CASQ2: variants seen among roughly 807,000 people sequenced by gnomAD.
The protein encoded by CASQ2 is calsequestrin-2.
A neutral mutation model predicts 46.5 loss-of-function variants in CASQ2; 49 were observed. The observed-to-expected ratio is 1.05, with a 90% CI of 0.84 to 1.34. The LOEUF (loss-of-function observed/expected upper bound fraction) is 1.34. Ranked by LOEUF, CASQ2 falls within the 40% of genes most tolerant of loss-of-function variation. The pLI is 0.00. For missense variants in CASQ2, 486 were observed against 481.3 expected (o/e 1.01, Z -0.09); for synonymous variants, 174 against 168.5 (o/e 1.03, Z -0.25).
intron 5 of CASQ2, chr1:115,732,248 G>A (rs1354715188): frequency 6.6e-6 from 1 of 152,428 alleles, no homozygotes; most frequent in South Asian, 2.1e-4. Context: ...TAGCTTTTTT[G>A]ATTATTCTTG....
At position 115,729,035 on chromosome 1, in the gene CASQ2, C is replaced by CTTTTTTTT. The variant is rs753965730; in HGVS notation, c.607-1921_607-1914dup. Among the ~76,000 whole-genome samples, 47 of 68,862 alleles carry CTTTTTTTT rather than the reference C, an allele frequency of 6.8e-4. 1 individual carries two copies. The highest frequency in any genetic ancestry group is 1.3e-3 in the East Asian group (3 of 2,328). The allele number at this position is 68,862 out of a possible 152,430, so 45.2% of individuals were successfully genotyped here. On this transcript the variant is annotated intron_variant, in intron 5 of 10. Coordinates refer to ENST00000261448, the MANE Select transcript of CASQ2 (RefSeq NM_001232.4). ...TCTCAGAGAATCCCTCTCTTTCATT[C>CTTTTTTTT]TTTTTTTTTTTTTTTTTTTTTTTTT...
At chr1:115,739,751 G>A (rs1648117964) in intron 3 of CASQ2, among the ~76,000 whole-genome samples, 1 of 152,198 alleles carries the variant, frequency 6.6e-6, no homozygotes, top group African/African-American at 2.4e-5. Context: ...GGCAGTGTCT[G>A]GATTCGATCA....
At chr1:115,756,921 G>T (rs764564480) in intron 1 of CASQ2, among the ~76,000 whole-genome samples, 13 of 152,146 alleles carry the variant, frequency 8.5e-5, no homozygotes, top group Non-Finnish European at 1.3e-4. Flanking sequence ...CACTCCAGCC[G>T]GGGAGCCTGG....
intron 1 of CASQ2, among the ~76,000 whole-genome samples, chr1:115,764,266 C>T (rs1429393637): frequency 6.6e-6 from 1 of 151,806 alleles, no homozygotes; most frequent in African/African-American, 2.4e-5. Flanking sequence ...TATGATGATA[C>T]AGTGGAATAC....
intron 1 of CASQ2, among the ~76,000 whole-genome samples, chr1:115,748,827 G>GTATAGTAA (rs1648477730): frequency 6.6e-6 from 1 of 152,038 alleles, no homozygotes; most frequent in Non-Finnish European, 1.5e-5. Context: ...GTACCTAATG[G>GTATAGTAA]CTTTGCGGTA....
At chr1:115,707,091 ACAG>A (rs1195348853) in intron 8 of CASQ2, among the ~76,000 whole-genome samples, 1 of 150,638 alleles carries the variant, frequency 6.6e-6, no homozygotes, top group Non-Finnish European at 1.5e-5. Flanking sequence ...ATCATAGCTC[ACAG>A]CAGCCTCGAC....
At chr1:115,754,766 AC>A (rs1171238067) in intron 1 of CASQ2, among the ~76,000 whole-genome samples, 1 of 152,200 alleles carries the variant, frequency 6.6e-6, no homozygotes, top group Non-Finnish European at 1.5e-5. Context: ...GCAAGTCACA[AC>A]TTAACTGATC....
intron 10 of CASQ2, 45 bp downstream of exon 10, chr1:115,702,876 G>A (rs758254619): frequency 5.7e-6 from 8 of 1,408,664 alleles, no homozygotes; most frequent in South Asian, 2.3e-5. Context: ...CAGAAGACAG[G>A]GCAGGCCAAG....
At chr1:115,734,757 C>G (rs1647900330) in intron 4 of CASQ2, among the ~76,000 whole-genome samples, 1 of 152,196 alleles carries the variant, frequency 6.6e-6, no homozygotes, top group Non-Finnish European at 1.5e-5. Flanking sequence ...TTTCTTCCCC[C>G]TCTCTCAGGG....
At position 115,740,742 on chromosome 1, in the gene CASQ2, C is replaced by T. The variant is rs1288753581; in HGVS notation, c.406G>A (p.Glu136Lys). 1.2e-6 allele frequency: 2 copies of T among 1,609,454 alleles called. No homozygotes were observed. Among genetic ancestry groups the T allele is most frequent in the African/African-American group, 2.7e-5 (2 of 74,832 alleles). ...TAAATACTTACATCCAAGAGGAACT[C>T]CACCAAGACATCAGCTGCAAACTCG... ...DGEFAADVLV[E>K]FLLDLIEDPV... is the part of the protein sequence containing the mutation. Residue 136 changes from glutamate to lysine, a missense_variant, in exon 3 of 11, where the codon GAG becomes AAG. Glu to Lys is a moderately conservative substitution (Grantham distance 56). Coordinates refer to ENST00000261448, the MANE Select transcript of CASQ2 (RefSeq NM_001232.4).
rs753529543 is a variant in CASQ2, at chr1:115,768,291, G to A, written c.234+17C>T. The A allele has an allele frequency of 2.6e-6, 4 of 1,529,248 alleles. No individual in the cohort carries two copies. The East Asian group carries it at 9.0e-5, about 34-fold the overall frequency. 94.7% of individuals were successfully genotyped at this position (1,529,248 alleles called of 1,614,324 possible). A position where few individuals can be genotyped will look rare whatever the true frequency, so the allele number is the denominator to read the frequency against. On this transcript the variant is annotated intron_variant, in intron 1 of 10. Transcript: ENST00000261448. ...CTCACTGAGGCAGCGCAGACAGCATGCCCTTTGGTTACTTACCTCAAGCAC... is the reference window on the plus strand; with the variant it reads ...CTCACTGAGGCAGCGCAGACAGCATACCCTTTGGTTACTTACCTCAAGCAC...
chr1:115,756,519 G>C (rs909634168), intron 1 of CASQ2, among the ~76,000 whole-genome samples: 4 of 152,182 alleles, frequency 2.6e-5, no homozygotes, highest in African/African-American at 9.7e-5. Context: ...GGGCTGCTGA[G>C]TAAAGAAAAA....
chr1:115,703,411 C>A (rs1654270713), intron 9 of CASQ2, among the ~76,000 whole-genome samples: 1 of 152,052 alleles, frequency 6.6e-6, no homozygotes, highest in Admixed American at 6.5e-5. Flanking sequence ...AAGAAGGCTT[C>A]TTCATTCAAC....
chr1:115,753,796 G>A (rs568005843), intron 1 of CASQ2, among the ~76,000 whole-genome samples: 12 of 152,258 alleles, frequency 7.9e-5, no homozygotes, highest in Non-Finnish European at 1.5e-4. Context: ...CACAGTCAGA[G>A]GGAAGGTGGG....
chr1:115,726,947 T>TC (rs1415048353), intron 6 of CASQ2, 45 bp downstream of exon 6: 3 of 1,036,546 alleles, frequency 2.9e-6, no homozygotes, highest in Non-Finnish European at 4.4e-6. Flanking sequence ...TCCTCTCCAT[T>TC]CCCCAGACCC....
rs533297928 is a variant in CASQ2, at chr1:115,719,429, C to T, written c.784-1535G>A. Among the ~76,000 whole-genome samples the T allele has an allele frequency of 3.9e-5, 6 of 152,330 alleles. No individual in the cohort carries two copies. The South Asian group carries it at 1.2e-3, about 32-fold the overall frequency. ...AGCGCTGTTAATTCTGTGAAGCAGG[C>T]TTCATTTCTGTGTGCCCTGCTAGAA... On this transcript the variant is annotated intron_variant, in intron 7 of 10. Coordinates refer to ENST00000261448, the MANE Select transcript of CASQ2 (RefSeq NM_001232.4).
At position 115,704,667 on chromosome 1, in the gene CASQ2, CAA is replaced by C. The variant is rs559446998; in HGVS notation, c.939+523_939+524del. ...TCGGGCCATTGATCATGCACACTAG[CAA>C]AAGTGTGGACTTGAAGTTTCTTTCA... On this transcript the variant is annotated intron_variant, in intron 9 of 10. Transcript: ENST00000261448. Among the ~76,000 whole-genome samples, 14 of 152,274 alleles carry C rather than the reference CAA, an allele frequency of 9.2e-5. No individual in the cohort carries two copies. The South Asian group carries it at 2.5e-3, about 27-fold the overall frequency.
At chr1:115,725,814 T>C (rs747267070) in intron 6 of CASQ2, among the ~76,000 whole-genome samples, 12 of 152,206 alleles carry the variant, frequency 7.9e-5, no homozygotes, top group African/African-American at 2.6e-4. Flanking sequence ...TTACAAACAA[T>C]GGGTCAGAGG....
intron 3 of CASQ2, among the ~76,000 whole-genome samples, chr1:115,739,124 C>CTTTTTTTTTTTTTT (rs1299140156): frequency 3.0e-5 from 3 of 99,522 alleles, no homozygotes; most frequent in Non-Finnish European, 6.6e-5. Flanking sequence ...TCTTTTCTTT[C>CTTTTTTTTTTTTTT]TTTTTGAGAT....
Sources: allele counts gnomAD v4.1 joint callset (sites outside exome capture counted in the v4.1 genomes callset), GRCh38; gene constraint gnomAD v4.1.1; transcripts MANE v1.5; gene names NCBI Gene and HGNC (gene_info 2026-07-23, HGNC 2026-07-21).